The following CBR4 variants were observed in gnomAD, a reference collection of about 807,000 sequenced individuals.
CBR4 encodes 3-oxoacyl-[acyl-carrier-protein] reductase.
CBR4 carries 22 observed loss-of-function variants against 21.0 expected under a neutral mutation model. The ratio of observed to expected loss-of-function variants is 1.05; its 90% CI spans 0.75 to 1.50. The LOEUF (loss-of-function observed/expected upper bound fraction) is 1.50. Among genes scored for constraint, CBR4 ranks in the 40% most tolerant of loss-of-function variants. The probability of loss-of-function intolerance (pLI) is 0.00; values close to 1 mark genes in which losing one functional copy is unlikely to be tolerated. For missense variants in CBR4, 302 were observed against 286.3 expected (o/e 1.05, Z -0.40); for synonymous variants, 100 against 104.4 (o/e 0.96, Z 0.26).
At chr4:168,926,157 A>T in intron 2 of CBR4, 1 of 1,353,546 alleles carries the variant, frequency 7.4e-7, no homozygotes, top group Non-Finnish European at 9.9e-7. Context: ...GAAATATCTA[A>T]AGGCTTTCCA....
At chr4:169,005,362 A>C (rs1730820266) in intron 3 of CBR4, 1 of 152,484 alleles carries the variant, frequency 6.6e-6, no homozygotes. Context: ...AAAAAACACA[A>C]GCTGCTTTAG....
intron 4 of CBR4, chr4:169,001,752 T>G (rs1378716605): frequency 6.1e-6 from 1 of 164,138 alleles, no homozygotes; most frequent in Non-Finnish European, 1.3e-5. Flanking sequence ...AAAAAAAGTT[T>G]CCTGGGCCTC....
At chr4:168,897,255 A>T (rs574669986) in intron 2 of CBR4, among the ~76,000 whole-genome samples, 1 of 152,234 alleles carries the variant, frequency 6.6e-6, no homozygotes, top group Non-Finnish European at 1.5e-5. Flanking sequence ...GATTAATTTG[A>T]TAGTAATTAG....
chr4:168,922,087 A>T lies in CBR4; in HGVS notation n.170-27322T>A, dbSNP rs1031890284. 1.7e-4 allele frequency among the ~76,000 whole-genome samples: 18 copies of T among 105,050 alleles called. 1 individual carries two copies. The highest frequency in any genetic ancestry group is 3.2e-4 in the South Asian group (1 of 3,172). 68.9% of individuals were successfully genotyped at this position (105,050 alleles called of 152,430 possible). A position where few individuals can be genotyped will look rare whatever the true frequency, so the allele number is the denominator to read the frequency against. Reference sequence around the variant, plus strand: ...TGCTTATATATAAAGTTTTATATTTATATATATATATATATACACACACAC... The same window carrying T: ...TGCTTATATATAAAGTTTTATATTTTTATATATATATATATACACACACAC... On this transcript the variant is annotated intron_variant and non_coding_transcript_variant, in intron 2 of 3. Coordinates refer to the CBR4 transcript ENST00000509108.
intron 2 of CBR4, chr4:168,914,100 A>G (rs1759616522): frequency 4.5e-6 from 4 of 894,378 alleles, no homozygotes; most frequent in Admixed American, 3.8e-5. Context: ...GAATCATCAT[A>G]TGACCACAAA....
chr4:169,009,868 C>T, intron 1 of CBR4, 80 bp downstream of exon 1: 1 of 1,372,466 alleles, frequency 7.3e-7, no homozygotes, highest in South Asian at 1.4e-5. Context: ...AAGGCCAGAC[C>T]CGCTCTTTTT....
intron 2 of CBR4, among the ~76,000 whole-genome samples, chr4:168,960,020 C>A (rs1763801191): frequency 6.6e-6 from 1 of 151,952 alleles, no homozygotes; most frequent in African/African-American, 2.4e-5. Flanking sequence ...TCTTTAATTT[C>A]TCTCCATCAA....
chr4:168,898,115 C>G, intron 2 of CBR4: 2 of 296,342 alleles, frequency 6.7e-6, no homozygotes, highest in South Asian at 7.0e-5. Context: ...CCTGCATCAG[C>G]TTTTACCCTA....
In CBR4 at chr4:168,949,263, T is replaced by C. The variant is rs182191204; in HGVS notation, n.169+52808A>G. 5.0e-3 allele frequency among the ~76,000 whole-genome samples: 766 copies of C among 152,318 alleles called. 3 individuals are homozygous for C. The highest frequency in any genetic ancestry group is 8.0e-3 in the Non-Finnish European group (543 of 68,014). On this transcript the variant is annotated intron_variant and non_coding_transcript_variant, in intron 2 of 3. Transcript: ENST00000509108. ...TCTTTTATCAGTTCTGGGAGCTTTC[T>C]GGAGGAGTCTTCAGGGTTTTCGAGG...
At chr4:168,928,278 G>A (rs1762808165) in intron 2 of CBR4, 1 of 182,286 alleles carries the variant, frequency 5.5e-6, no homozygotes, top group Non-Finnish European at 1.2e-5. Context: ...CTGATTTGCT[G>A]GGTTTGGGAT....
Position 169,005,911 on chromosome 4 carries a change from T to C in CBR4, c.400+844A>G, listed in dbSNP as rs548711851. On this transcript the variant is annotated intron_variant, in intron 3 of 4. Transcript: ENST00000306193. ...TTTATGGAGCAGCATCTCCCTTCTG[T>C]GGCCTTTTAAGGTATTACCATTTGA... 5.4e-5 allele frequency: 69 copies of C among 1,287,674 alleles called. 1 individual carries two copies. The African/African-American group carries it at 9.1e-4, about 17-fold the overall frequency. The allele number at this position is 1,287,674 out of a possible 1,614,324, so 79.8% of individuals were successfully genotyped here.
intron 4 of CBR4, among the ~76,000 whole-genome samples, chr4:168,994,050 T>C (rs948767461): frequency 2.0e-5 from 3 of 152,160 alleles, no homozygotes; most frequent in African/African-American, 7.2e-5. Flanking sequence ...AGAAATATAG[T>C]GTGGAGTGGG....
intron 2 of CBR4, among the ~76,000 whole-genome samples, chr4:168,913,311 A>T (rs1265653447): frequency 1.3e-5 from 2 of 151,386 alleles, no homozygotes; most frequent in Non-Finnish European, 2.9e-5. Context: ...TAATTTTTGT[A>T]TTTTTTTAGT....
chr4:168,947,124 G>A (rs1435723771), intron 2 of CBR4, among the ~76,000 whole-genome samples: 1 of 151,036 alleles, frequency 6.6e-6, no homozygotes, highest in East Asian at 1.9e-4. Flanking sequence ...CCCCTGTCAT[G>A]TTTTTTTTTA....
intron 2 of CBR4, chr4:168,898,472 C>G (rs1311015479): frequency 1.9e-6 from 3 of 1,548,322 alleles, no homozygotes; most frequent in Admixed American, 1.7e-5. Flanking sequence ...AGTCTGCTAA[C>G]TTAAACTTTC....
In CBR4 at chr4:168,989,465, C is replaced by A. The variant is rs1163109842; in HGVS notation, c.*685G>T. 6 of 985,198 alleles carry A rather than the reference C, an allele frequency of 6.1e-6. No individual in the cohort carries two copies. Among genetic ancestry groups the A allele is most frequent in the South Asian group, 4.7e-5 (1 of 21,290 alleles). 61.0% of individuals were successfully genotyped at this position (985,198 alleles called of 1,614,324 possible). A position where few individuals can be genotyped will look rare whatever the true frequency, so the allele number is the denominator to read the frequency against. On this transcript the variant is annotated 3_prime_UTR_variant, in exon 5 of 5. Coordinates refer to ENST00000306193, the MANE Select transcript of CBR4 (RefSeq NM_032783.5). The stretch of plus-strand genomic sequence containing the variant: ...GAAATACCACTCAAAGAAATCAATT[C>A]TAAATTCATGTCTTTAATGAATACT...
chr4:168,934,295 A>AAAAAAAAC, intron 2 of CBR4, among the ~76,000 whole-genome samples: 1 of 149,312 alleles, frequency 6.7e-6, no homozygotes, highest in Non-Finnish European at 1.5e-5. Flanking sequence ...AAAAAAAAAA[A>AAAAAAAAC]AAAAAAAAAG....
intron 2 of CBR4, among the ~76,000 whole-genome samples, chr4:168,975,751 C>T (rs181538733): frequency 2.6e-4 from 39 of 152,172 alleles, no homozygotes; most frequent in Non-Finnish European, 4.3e-4. Context: ...TCTCCCTGGG[C>T]GGGACTTGCT....
chr4:168,930,539 G>C (rs1472387730), intron 2 of CBR4, among the ~76,000 whole-genome samples: 2 of 152,170 alleles, frequency 1.3e-5, no homozygotes, highest in African/African-American at 2.4e-5. Context: ...ATGTCAGCAA[G>C]ATGGCTGACT....
Sources: allele counts gnomAD v4.1 joint callset (sites outside exome capture counted in the v4.1 genomes callset), GRCh38; gene constraint gnomAD v4.1.1; transcripts MANE v1.5; gene names NCBI Gene and HGNC (gene_info 2026-07-23, HGNC 2026-07-21).